Variants in EPSTI1 observed in about 807,000 individuals in gnomAD.
The protein encoded by EPSTI1 is epithelial stromal interaction 1.
EPSTI1 carries 66 observed loss-of-function variants against 49.9 expected under a neutral mutation model. The observed-to-expected ratio is 1.32, with a 90% CI of 1.08 to 1.62. The LOEUF (loss-of-function observed/expected upper bound fraction) is 1.62. Among genes scored for constraint, EPSTI1 ranks in the 40% most tolerant of loss-of-function variants. The pLI is 0.00. For missense variants in EPSTI1, 394 were observed against 365.5 expected (o/e 1.08, Z -0.64); for synonymous variants, 137 against 130.7 (o/e 1.05, Z -0.33).
intron 6 of EPSTI1, among the ~76,000 whole-genome samples, chr13:42,933,020 G>A (rs899289770): frequency 6.6e-6 from 1 of 152,100 alleles, no homozygotes; most frequent in South Asian, 2.1e-4. Flanking sequence ...GAAAAAATGA[G>A]GTACTGTCAC....
chr13:42,983,563 CAAAAAAAAA>C (rs56259281), intron 1 of EPSTI1, among the ~76,000 whole-genome samples: 9 of 95,502 alleles, frequency 9.4e-5, no homozygotes, highest in Non-Finnish European at 1.5e-4. Context: ...GACTCCATCT[CAAAAAAAAA>C]AAAAAAAAAA....
In EPSTI1 at chr13:42,980,048, T is replaced by C. The variant is rs78206179; in HGVS notation, c.189-9378A>G. Among the ~76,000 whole-genome samples the C allele has an allele frequency of 8.2e-4, 125 of 151,962 alleles. 1 individual carries two copies. The East Asian group carries it at 0.021, about 26-fold the overall frequency. On this transcript the variant is annotated intron_variant, in intron 1 of 10. Coordinates refer to ENST00000313624, the MANE Select transcript of EPSTI1 (RefSeq NM_033255.5). ...TTTCATGACTGACATATTTGAAGAG[T>C]TCAGGTAACTTTTCTTATAGAATGC...
intron 1 of EPSTI1, among the ~76,000 whole-genome samples, chr13:42,972,712 T>C (rs895095416): frequency 1.3e-5 from 2 of 152,144 alleles, no homozygotes; most frequent in African/African-American, 4.8e-5. Context: ...TAGGGGCTTG[T>C]AGAGAGTGAG....
chr13:42,909,111 A>T (rs967202835), intron 8 of EPSTI1, among the ~76,000 whole-genome samples: 2 of 124,386 alleles, frequency 1.6e-5, no homozygotes, highest in South Asian at 2.5e-4. Context: ...ATAACAATTT[A>T]AAAAATAGGC....
At chr13:42,927,116 C>A (rs1198189642) in intron 6 of EPSTI1, among the ~76,000 whole-genome samples, 1 of 152,006 alleles carries the variant, frequency 6.6e-6, no homozygotes, top group Non-Finnish European at 1.5e-5. Flanking sequence ...TTCTAGACTG[C>A]ATTTCTAATA....
chr13:42,949,591 CAAAAAAAA>C (rs199737689), intron 6 of EPSTI1, among the ~76,000 whole-genome samples: 1 of 80,208 alleles, frequency 1.2e-5, no homozygotes, highest in Non-Finnish European at 3.0e-5. Context: ...GACTCCATGT[CAAAAAAAA>C]AAAAAAAAAG....
rs140549540 is a variant in EPSTI1 at position 42,948,032 on chromosome 13, A to G, written c.563+5916T>C. 6.7e-3 allele frequency among the ~76,000 whole-genome samples: 1,014 copies of G among 152,258 alleles called. 10 individuals carry two copies. The highest frequency in any genetic ancestry group is 0.023 in the African/African-American group (962 of 41,554). On this transcript the variant is annotated intron_variant, in intron 6 of 10. Coordinates refer to ENST00000313624, the MANE Select transcript of EPSTI1 (RefSeq NM_033255.5). ...GTGGCGGAGTTGGGTCCGTCTGCAGACCCACCTTCCAGGCCTCACCCCACA... is the reference window on the plus strand; with the variant it reads ...GTGGCGGAGTTGGGTCCGTCTGCAGGCCCACCTTCCAGGCCTCACCCCACA...
chr13:42,979,539 C>G (rs531552229), intron 1 of EPSTI1, among the ~76,000 whole-genome samples: 36 of 144,196 alleles, frequency 2.5e-4, no homozygotes, highest in Non-Finnish European at 4.9e-4. Context: ...GAGCCGATAT[C>G]GCGCCGCTGG....
At chr13:42,935,678 A>AT (rs2038538038) in intron 6 of EPSTI1, among the ~76,000 whole-genome samples, 1 of 152,048 alleles carries the variant, frequency 6.6e-6, no homozygotes, top group Admixed American at 6.6e-5. Flanking sequence ...TGCAAACTCC[A>AT]TCTCCCAGGT....
chr13:42,915,506 T>G (rs1484938233), intron 8 of EPSTI1, among the ~76,000 whole-genome samples: 2 of 152,162 alleles, frequency 1.3e-5, no homozygotes, highest in Non-Finnish European at 2.9e-5. Context: ...CACTCCAATA[T>G]GGGTGACAGA....
At chr13:42,918,670 A>G (rs2037906408) in intron 7 of EPSTI1, among the ~76,000 whole-genome samples, 1 of 152,240 alleles carries the variant, frequency 6.6e-6, no homozygotes, top group African/African-American at 2.4e-5. Flanking sequence ...GGTATCATCT[A>G]TGGCAGTGCC....
intron 10 of EPSTI1, among the ~76,000 whole-genome samples, chr13:42,890,807 AG>A (rs2037015749): frequency 6.6e-6 from 1 of 152,078 alleles, no homozygotes; most frequent in South Asian, 2.1e-4. Flanking sequence ...TGATTTATAA[AG>A]GCTTTTTTTC....
intron 8 of EPSTI1, 111 bp downstream of exon 8, chr13:42,917,430 T>G (rs1332476317): frequency 1.0e-6 from 1 of 956,150 alleles, no homozygotes; most frequent in African/African-American, 1.6e-5. Flanking sequence ...ATGCTTGTAT[T>G]CTTGTTTTCA....
At chr13:42,986,803 GA>G (rs1233602152) in intron 1 of EPSTI1, among the ~76,000 whole-genome samples, 4 of 149,736 alleles carry the variant, frequency 2.7e-5, no homozygotes, top group African/African-American at 9.9e-5. Context: ...TTTCTGGGGA[GA>G]GGCGGGGGCT....
intron 6 of EPSTI1, among the ~76,000 whole-genome samples, chr13:42,942,944 T>G (rs1012997258): frequency 1.3e-5 from 2 of 152,106 alleles, no homozygotes; most frequent in Non-Finnish European, 2.9e-5. Flanking sequence ...CACCTCGGCC[T>G]CCCAAAGTGC....
At chr13:42,948,939 A>G (rs2039007632) in intron 6 of EPSTI1, among the ~76,000 whole-genome samples, 1 of 152,236 alleles carries the variant, frequency 6.6e-6, no homozygotes, top group Non-Finnish European at 1.5e-5. Flanking sequence ...AGTGGATTCC[A>G]GAAAGAAAAA....
chr13:42,917,642 G>GACAAA lies in EPSTI1; in HGVS notation c.658-19_658-18insTTTGT. ...CTTCTGGCCTGTAAAGGTACAAAGA[G>GACAAA]AAAAAAAAAAAAAAAAACAACTTGA... On this transcript the variant is annotated intron_variant, in intron 7 of 10. Transcript: ENST00000313624. The GACAAA allele has an allele frequency of 4.7e-6, 2 of 425,628 alleles. No individual in the cohort carries two copies. Among genetic ancestry groups the GACAAA allele is most frequent in the Non-Finnish European group, 4.1e-6 (1 of 245,758 alleles). The allele number at this position is 425,628 out of a possible 1,614,324, so 26.4% of individuals were successfully genotyped here. A position where few individuals can be genotyped will look rare whatever the true frequency, so the allele number is the denominator to read the frequency against.
chr13:42,941,068 G>T (rs192251159), intron 6 of EPSTI1, among the ~76,000 whole-genome samples: 13 of 151,730 alleles, frequency 8.6e-5, no homozygotes, highest in Non-Finnish European at 1.8e-4. Context: ...AAATTTTTAC[G>T]TACTTAAAGC....
At chr13:42,974,340 AAAAAAG>A (rs1322296400) in intron 1 of EPSTI1, among the ~76,000 whole-genome samples, 11 of 151,320 alleles carry the variant, frequency 7.3e-5, no homozygotes, top group African/African-American at 2.2e-4. Flanking sequence ...CTGTCTCAAA[AAAAAAG>A]AAAAAGAAAA....
Sources: gnomAD v4.1 joint callset for allele counts (sites outside exome capture counted in the v4.1 genomes callset) on GRCh38, gnomAD v4.1.1 for gene constraint, MANE v1.5 for transcripts, NCBI Gene and HGNC (gene_info 2026-07-23, HGNC 2026-07-21) for gene names.